SHISA5: variants seen among roughly 807,000 people sequenced by gnomAD.
SHISA5 encodes protein shisa-5.
Under a neutral mutation model 27.5 loss-of-function variants are expected in SHISA5, and 21 were observed. The observed-to-expected ratio is 0.76, with a 90% CI of 0.54 to 1.10. The LOEUF (loss-of-function observed/expected upper bound fraction) is 1.10. Among genes scored for constraint, SHISA5 ranks in the 50% least tolerant of loss-of-function variants. SHISA5 has a pLI of 0.00. For synonymous variants in SHISA5, 137 were observed against 142.2 expected (o/e 0.96, Z 0.26); for missense variants, 314 against 336.3 (o/e 0.93, Z 0.52).
chr3:48,502,192 T>G, intron 1 of SHISA5: 1 of 336,054 alleles, frequency 3.0e-6, no homozygotes, highest in South Asian at 2.3e-5. Context: ...CCTCGTTCAC[T>G]CTCTCCCTCA....
chr3:48,503,317 G>A (rs1340944979), intron 1 of SHISA5: 1 of 507,734 alleles, frequency 2.0e-6, no homozygotes, highest in Non-Finnish European at 3.6e-6. Context: ...GGCGGATTCT[G>A]GGCACAAGTC....
chr3:48,483,629 C>T (rs1415420985), intron 2 of SHISA5, among the ~76,000 whole-genome samples: 3 of 151,868 alleles, frequency 2.0e-5, no homozygotes, highest in Admixed American at 6.6e-5. Context: ...GGGTGGTGGC[C>T]GGGCAGAGGG....
intron 3 of SHISA5, among the ~76,000 whole-genome samples, chr3:48,478,419 T>C (rs2040892008): frequency 6.6e-6 from 1 of 152,024 alleles, no homozygotes; most frequent in South Asian, 2.1e-4. Context: ...AACCCTGCCC[T>C]CCTGGGCAGA....
At chr3:48,483,986 G>A (rs1237728437) in intron 2 of SHISA5, among the ~76,000 whole-genome samples, 4 of 152,142 alleles carry the variant, frequency 2.6e-5, no homozygotes, top group African/African-American at 9.7e-5. Flanking sequence ...CAAAGTGCTG[G>A]GATTACAGGT....
chr3:48,492,232 A>G (rs1160426564), intron 2 of SHISA5, among the ~76,000 whole-genome samples: 1 of 136,022 alleles, frequency 7.4e-6, no homozygotes, highest in Non-Finnish European at 1.6e-5. Context: ...GCACTTTGGG[A>G]GGCCGAGGCG....
chr3:48,479,273 C>T lies in SHISA5; in HGVS notation c.234-16G>A. On this transcript the variant is annotated splice_polypyrimidine_tract_variant and intron_variant, in intron 2 of 5. Coordinates refer to ENST00000296444, the MANE Select transcript of SHISA5 (RefSeq NM_016479.6). Reference sequence around the variant, plus strand: ...GGCAGGCACGCTGCAAACAGGAAACCTTGTGATTAGCACAATGAAGCCCCA... The same window carrying T: ...GGCAGGCACGCTGCAAACAGGAAACTTTGTGATTAGCACAATGAAGCCCCA... 1.9e-6 allele frequency: 3 copies of T among 1,599,156 alleles called. No homozygotes were observed. Among genetic ancestry groups the T allele is most frequent in the African/African-American group, 1.3e-5 (1 of 74,966 alleles).
chr3:48,477,116 A>G (rs1261448002), intron 3 of SHISA5: 5 of 439,072 alleles, frequency 1.1e-5, no homozygotes, highest in Non-Finnish European at 2.3e-5. Context: ...AAAAAAAAAA[A>G]AAAAGAAACA....
Position 48,469,134 on chromosome 3 carries a change from G to A in SHISA5, c.696C>T (p.Tyr232=), listed in dbSNP as rs772181269. The A allele has an allele frequency of 2.9e-5, 47 of 1,612,968 alleles. No individual in the cohort carries two copies. The East Asian group carries it at 3.3e-4, about 11-fold the overall frequency. Residue 232 remains tyrosine (Y), a synonymous_variant, in exon 6 of 6, where the codon TAC becomes TAT. Transcript: ENST00000296444. The surrounding 1 kb of genome is among the most constrained non-coding windows in gnomAD (Gnocchi z 4.6). The part of the protein sequence containing the change: ...PASQPPYNPA[Y]MDAPKAAL The stretch of plus-strand genomic sequence containing the variant: ...AGAGGGCCGCCTTCGGGGCATCCAT[G>A]TAGGCCGGGTTGTAAGGAGGCTGGC...
chr3:48,488,469 C>G (rs1350353124), intron 2 of SHISA5, among the ~76,000 whole-genome samples: 1 of 150,172 alleles, frequency 6.7e-6, no homozygotes, highest in Non-Finnish European at 1.5e-5. Context: ...CCTCATGATC[C>G]GCCTACCTTG....
chr3:48,473,291 C>T lies in SHISA5; in HGVS notation c.315-3448G>A. On this transcript the variant is annotated intron_variant, in intron 3 of 5. Transcript: ENST00000296444. The surrounding 1 kb of genome is among the most constrained non-coding windows in gnomAD (Gnocchi z 4.3). ...GAGGTGCCCCATTTGCCTCCCAGAG[C>T]TGCCTCCCTGAGCCAAGCCTACAGG... 1 of 1,390,124 alleles carries T rather than the reference C, an allele frequency of 7.2e-7. No individual in the cohort carries two copies. Among genetic ancestry groups the T allele is most frequent in the Non-Finnish European group, 9.4e-7 (1 of 1,066,588 alleles). 86.1% of individuals were successfully genotyped at this position (1,390,124 alleles called of 1,614,324 possible).
intron 2 of SHISA5, among the ~76,000 whole-genome samples, chr3:48,483,414 T>C (rs927151725): frequency 1.6e-4 from 25 of 152,144 alleles, no homozygotes; most frequent in Middle Eastern, 3.2e-3. Flanking sequence ...GGTAAGGTCA[T>C]AGATCAACAG....
In SHISA5 at chr3:48,504,100, G is replaced by C; in HGVS notation, c.-6C>G. On this transcript the variant is annotated 5_prime_UTR_variant, in exon 1 of 6. Coordinates refer to ENST00000296444, the MANE Select transcript of SHISA5 (RefSeq NM_016479.6). This position sits in a 1 kb window ranked among gnomAD's most constrained non-coding sequence, Gnocchi z 4.0. ...GCGGGGACCGGCGCAGTCATGGCTG[G>C]GCGGGCGGACGGGCGGACGGACGCG... 1 of 1,301,650 alleles carries C rather than the reference G, an allele frequency of 7.7e-7. No homozygotes were observed. Among genetic ancestry groups the C allele is most frequent in the Non-Finnish European group, 9.9e-7 (1 of 1,011,402 alleles). The allele number at this position is 1,301,650 out of a possible 1,614,324, so 80.6% of individuals were successfully genotyped here. A position where few individuals can be genotyped will look rare whatever the true frequency, so the allele number is the denominator to read the frequency against.
chr3:48,469,172 G>C lies in SHISA5; in HGVS notation c.658C>G (p.Pro220Ala), dbSNP rs2107277608. 2 of 1,612,416 alleles carry C rather than the reference G, an allele frequency of 1.2e-6. No homozygotes were observed. The highest frequency in any genetic ancestry group is 2.2e-5 in the South Asian group (2 of 91,076). ...HETLAGGAAA[P>A]YPASQPPYNP... ...TAAGGAGGCTGGCTGGCGGGGTAGG[G>C]CGCGGCTGCTCCTCCTGAAAGCAGA... The change falls in exon 6 of 6, where the codon CCC becomes GCC. Residue 220 changes from proline (P) to alanine (A), a missense_variant. Transcript: ENST00000296444. This position sits in a 1 kb window ranked among gnomAD's most constrained non-coding sequence, Gnocchi z 4.6.
At chr3:48,503,929 G>A in intron 1 of SHISA5, 90 bp downstream of exon 1, 1 of 1,383,050 alleles carries the variant, frequency 7.2e-7, no homozygotes, top group Admixed American at 3.2e-5. Flanking sequence ...GCATAGTGGG[G>A]CTGGTGCTGC....
chr3:48,481,530 C>T (rs2041013592), intron 2 of SHISA5, among the ~76,000 whole-genome samples: 3 of 151,990 alleles, frequency 2.0e-5, no homozygotes, highest in Non-Finnish European at 4.4e-5. Context: ...GTGGCTCACG[C>T]CTGTAATAAC....
chr3:48,469,624 G>A lies in SHISA5; in HGVS notation c.431-51C>T, dbSNP rs769488344. The A allele has an allele frequency of 6.3e-7, 1 of 1,593,348 alleles. No individual in the cohort carries two copies. The highest frequency in any genetic ancestry group is 8.6e-7 in the Non-Finnish European group (1 of 1,168,558). On this transcript the variant is annotated intron_variant, in intron 4 of 5. Transcript: ENST00000296444. This position sits in a 1 kb window ranked among gnomAD's most constrained non-coding sequence, Gnocchi z 4.6. ...CCTCCTCCATCTCCCCAGGTCTTGA[G>A]AGCCAGGCTTGCCACCCATCCCTCC...
chr3:48,481,182 T>C (rs988400240), intron 2 of SHISA5, among the ~76,000 whole-genome samples: 1 of 152,130 alleles, frequency 6.6e-6, no homozygotes, highest in Non-Finnish European at 1.5e-5. Flanking sequence ...GGCTCACGCC[T>C]GTAATCCCAG....
chr3:48,503,779 C>T (rs2041822245), intron 1 of SHISA5: 3 of 1,245,716 alleles, frequency 2.4e-6, no homozygotes, highest in Non-Finnish European at 3.0e-6. Flanking sequence ...CCCCTCCCCA[C>T]CGTTCCAGGA....
Position 48,479,327 on chromosome 3 carries a change from G to A in SHISA5, c.234-70C>T. ...AGCGCCAGCACAAACACTACCTTAG[G>A]GCACCACAAAACGTGCACAGAAGCT... On this transcript the variant is annotated intron_variant, in intron 2 of 5. Coordinates refer to ENST00000296444, the MANE Select transcript of SHISA5 (RefSeq NM_016479.6). The A allele has an allele frequency of 2.8e-6, 4 of 1,448,708 alleles. No homozygotes were observed. The South Asian group carries it at 4.9e-5, about 18-fold the overall frequency. The allele number at this position is 1,448,708 out of a possible 1,614,324, so 89.7% of individuals were successfully genotyped here.
Sources: allele counts gnomAD v4.1 joint callset (sites outside exome capture counted in the v4.1 genomes callset), GRCh38; gene constraint gnomAD v4.1.1; non-coding constraint Gnocchi (gnomAD v3.1); transcripts MANE v1.5; gene names NCBI Gene and HGNC (gene_info 2026-07-23, HGNC 2026-07-21).